The following EPHA6 variants were observed in gnomAD, a reference collection of about 807,000 sequenced individuals.
EPHA6 encodes the protein EPH receptor A6.
A neutral mutation model predicts 112.0 loss-of-function variants in EPHA6; 50 were observed. The ratio of observed to expected loss-of-function variants is 0.45; its 90% CI spans 0.36 to 0.56. EPHA6 has a LOEUF of 0.56. Ranked by LOEUF, EPHA6 falls within the 20% of genes least tolerant of loss-of-function variation. The pLI is 0.00. For synonymous variants in EPHA6, 529 were observed against 490.7 expected, an observed-to-expected ratio of 1.08 and a Z score of -1.03; for missense variants, 1,280 against 1,417.4, an observed-to-expected ratio of 0.90 and a Z score of 1.56.
At chr3:96,847,797 G>T (rs963399280) in intron 1 of EPHA6, among the ~76,000 whole-genome samples, 1 of 152,094 alleles carries the variant, frequency 6.6e-6, no homozygotes, top group Non-Finnish European at 1.5e-5. Flanking sequence ...TAAAGTTATT[G>T]CAGGTCACTC....
intron 3 of EPHA6, among the ~76,000 whole-genome samples, chr3:97,018,582 T>G (rs1352231047): frequency 6.6e-6 from 1 of 152,176 alleles, no homozygotes; most frequent in Non-Finnish European, 1.5e-5. Flanking sequence ...AGAAACAACT[T>G]ACACCATTAT....
intron 3 of EPHA6, among the ~76,000 whole-genome samples, chr3:97,039,711 A>AAAAG (rs2045247309): frequency 6.6e-6 from 1 of 152,058 alleles, no homozygotes; most frequent in Non-Finnish European, 1.5e-5. Context: ...ATTTACATGT[A>AAAAG]TTCGGCAGTA....
chr3:97,622,974 T>G (rs938633066), intron 13 of EPHA6, among the ~76,000 whole-genome samples: 2 of 151,730 alleles, frequency 1.3e-5, no homozygotes, highest in Non-Finnish European at 2.9e-5. Flanking sequence ...TGTTGAATTT[T>G]AGGAGTTCTC....
At chr3:97,137,476 G>T (rs190039978) in intron 3 of EPHA6, among the ~76,000 whole-genome samples, 1 of 152,172 alleles carries the variant, frequency 6.6e-6, no homozygotes, top group East Asian at 1.9e-4. Context: ...TATCATAATT[G>T]AGCCTACAAA....
chr3:96,940,687 C>G (rs1174658825), intron 2 of EPHA6, among the ~76,000 whole-genome samples: 1 of 152,132 alleles, frequency 6.6e-6, no homozygotes, highest in Non-Finnish European at 1.5e-5. Flanking sequence ...CAGTTTCTTC[C>G]TAGCCTTGAT....
intron 2 of EPHA6, among the ~76,000 whole-genome samples, chr3:96,979,704 C>A (rs1314363380): frequency 5.3e-5 from 8 of 152,168 alleles, no homozygotes; most frequent in Admixed American, 2.0e-4. Context: ...ACATCCTCTC[C>A]AGCACCTGTT....
chr3:97,643,166 C>T (rs1039899264), intron 14 of EPHA6, among the ~76,000 whole-genome samples: 2 of 150,936 alleles, frequency 1.3e-5, no homozygotes, highest in Non-Finnish European at 3.0e-5. Context: ...AATTTTCAAC[C>T]CAGAATTTCA....
intron 1 of EPHA6, among the ~76,000 whole-genome samples, chr3:96,831,724 T>A (rs996979247): frequency 2.0e-5 from 3 of 152,036 alleles, no homozygotes; most frequent in African/African-American, 7.2e-5. Context: ...CTTATCTGTA[T>A]CATTCAAGTT....
intron 11 of EPHA6, among the ~76,000 whole-genome samples, chr3:97,559,074 A>G (rs561187554): frequency 6.6e-6 from 1 of 152,054 alleles, no homozygotes; most frequent in Non-Finnish European, 1.5e-5. Context: ...AGCATGCATA[A>G]AGATGAATAA....
intron 5 of EPHA6, among the ~76,000 whole-genome samples, chr3:97,304,727 C>T (rs2081242920): frequency 6.6e-6 from 1 of 151,956 alleles, no homozygotes; most frequent in African/African-American, 2.4e-5. Context: ...TTCCTTACGC[C>T]TTATACAAAA....
intron 6 of EPHA6, among the ~76,000 whole-genome samples, chr3:97,427,708 A>T (rs2089238613): frequency 1.3e-5 from 2 of 152,188 alleles, no homozygotes. Flanking sequence ...AATGTGGTAC[A>T]TATACACCAT....
At chr3:97,396,091 G>A (rs894336503) in intron 5 of EPHA6, among the ~76,000 whole-genome samples, 2 of 151,590 alleles carry the variant, frequency 1.3e-5, no homozygotes, top group Non-Finnish European at 2.9e-5. Flanking sequence ...AAAGTTAAGC[G>A]TCAAGGGATT....
intron 3 of EPHA6, among the ~76,000 whole-genome samples, chr3:97,144,503 C>A (rs1255811825): frequency 6.7e-6 from 1 of 150,212 alleles, no homozygotes; most frequent in Non-Finnish European, 1.5e-5. Context: ...TCATACACTG[C>A]AATCTTAATT....
chr3:97,577,571 G>A (rs1179760984), intron 11 of EPHA6, among the ~76,000 whole-genome samples: 5 of 151,856 alleles, frequency 3.3e-5, no homozygotes, highest in Admixed American at 2.0e-4. Context: ...ATGCTCTTTA[G>A]TGTTATCTCC....
intron 3 of EPHA6, among the ~76,000 whole-genome samples, chr3:97,222,681 T>C (rs2078242586): frequency 6.6e-6 from 1 of 152,214 alleles, no homozygotes; most frequent in Non-Finnish European, 1.5e-5. Context: ...ATTGTGCCAT[T>C]ACCAGACCAT....
intron 3 of EPHA6, among the ~76,000 whole-genome samples, chr3:97,167,375 T>C (rs2076566395): frequency 1.3e-5 from 2 of 151,816 alleles, no homozygotes; most frequent in African/African-American, 4.9e-5. Context: ...AGTCCCAGCT[T>C]CCTCTTAATG....
chr3:97,564,735 A>G (rs977415185), intron 11 of EPHA6, among the ~76,000 whole-genome samples: 11 of 152,276 alleles, frequency 7.2e-5, no homozygotes, highest in African/African-American at 2.6e-4. Flanking sequence ...TGGGTTTGAT[A>G]CATATGGAGA....
At chr3:97,059,617 CCACA>C (rs937774760) in intron 3 of EPHA6, among the ~76,000 whole-genome samples, 22 of 150,716 alleles carry the variant, frequency 1.5e-4, no homozygotes, top group African/African-American at 5.1e-4. Flanking sequence ...ATATTTTCAC[CCACA>C]CAATTTTGTT....
chr3:96,988,199 G>A (rs997739612), intron 3 of EPHA6, among the ~76,000 whole-genome samples: 3 of 152,024 alleles, frequency 2.0e-5, no homozygotes, highest in Non-Finnish European at 4.4e-5. Context: ...TTTATTAAAA[G>A]TAAATATTAT....
Sources: allele counts gnomAD v4.1 joint callset (sites outside exome capture counted in the v4.1 genomes callset), GRCh38; gene constraint gnomAD v4.1.1; transcripts MANE v1.5; gene names NCBI Gene and HGNC (gene_info 2026-07-23, HGNC 2026-07-21).